Variants in FNIP2 observed in about 807,000 individuals in gnomAD.
FNIP2 encodes the protein folliculin-interacting protein 2.
A neutral mutation model predicts 108.7 loss-of-function variants in FNIP2; 32 were observed. The ratio of observed to expected loss-of-function variants is 0.29; its 90% CI spans 0.22 to 0.40. The LOEUF is 0.40. FNIP2 is among the 10% of genes least tolerant of loss of function. The probability of loss-of-function intolerance (pLI) is 1.00; values close to 1 mark genes in which losing one functional copy is unlikely to be tolerated. For missense variants in FNIP2, 1,202 were observed against 1,381.6 expected (o/e 0.87, Z 2.06); for synonymous variants, 480 against 496.7 (o/e 0.97, Z 0.45).
intron 1 of FNIP2, among the ~76,000 whole-genome samples, chr4:158,779,996 T>A (rs1402549546): frequency 6.6e-6 from 1 of 151,638 alleles, no homozygotes; most frequent in Non-Finnish European, 1.5e-5. Context: ...ATCTCTTGAG[T>A]CCAGGAGTTT....
In FNIP2 at chr4:158,903,745, T is replaced by TTTTAC. The variant is rs1356395656; in HGVS notation, c.3267-717_3267-713dup. ...GAGGTAATGCCAGATACTGTTTTAT[T>TTTTAC]TTTACTTTGAGGAATTCAAGGGTAA... On this transcript the variant is annotated intron_variant, in intron 16 of 16. Transcript: ENST00000264433. 5.3e-5 allele frequency among the ~76,000 whole-genome samples: 8 copies of TTTTAC among 152,304 alleles called. No homozygotes were observed. The East Asian group carries it at 1.5e-3, about 29-fold the overall frequency.
At chr4:158,776,276 T>G (rs944418902) in intron 1 of FNIP2, among the ~76,000 whole-genome samples, 22 of 152,196 alleles carry the variant, frequency 1.4e-4, no homozygotes, top group African/African-American at 4.1e-4. Flanking sequence ...TTGCATGTTG[T>G]CATAGCAACT....
intron 1 of FNIP2, among the ~76,000 whole-genome samples, chr4:158,823,683 T>C (rs1778008140): frequency 6.6e-6 from 1 of 152,254 alleles, no homozygotes; most frequent in Non-Finnish European, 1.5e-5. Context: ...TGCTCACCTC[T>C]ACTTTCCTCC....
intron 1 of FNIP2, chr4:158,806,481 A>G (rs1776965214): frequency 8.7e-7 from 1 of 1,153,010 alleles, no homozygotes. Flanking sequence ...TTTACTGTGT[A>G]GTAAGGAGAT....
intron 14 of FNIP2, among the ~76,000 whole-genome samples, chr4:158,883,892 GAA>G (rs1186969337): frequency 1.3e-5 from 2 of 151,864 alleles, no homozygotes; most frequent in Non-Finnish European, 2.9e-5. Context: ...CTAAAAGTCG[GAA>G]ACACTTGTGA....
At chr4:158,872,262 A>G (rs1281659539) in intron 14 of FNIP2, 1 of 985,452 alleles carries the variant, frequency 1.0e-6, no homozygotes, top group Non-Finnish European at 1.2e-6. Context: ...CTGTAAAACC[A>G]TTCATGAAAT....
At chr4:158,778,602 A>G (rs888169012) in intron 1 of FNIP2, among the ~76,000 whole-genome samples, 1 of 145,134 alleles carries the variant, frequency 6.9e-6, no homozygotes, top group African/African-American at 2.9e-5. Context: ...ATTATAGTAT[A>G]TTATAATTGT....
chr4:158,892,411 C>T (rs541631748), intron 15 of FNIP2, among the ~76,000 whole-genome samples: 9 of 152,044 alleles, frequency 5.9e-5, no homozygotes, highest in Non-Finnish European at 8.8e-5. Flanking sequence ...AAATCACTTT[C>T]GTAACAATAC....
At chr4:158,872,860 A>G in intron 14 of FNIP2, 1 of 693,004 alleles carries the variant, frequency 1.4e-6, no homozygotes, top group Non-Finnish European at 1.8e-6. Flanking sequence ...AAGCCTAGTG[A>G]ATATTTAAAT....
At chr4:158,902,730 G>A (rs755594364) in intron 16 of FNIP2, among the ~76,000 whole-genome samples, 43 of 152,252 alleles carry the variant, frequency 2.8e-4, no homozygotes, top group Non-Finnish European at 4.8e-4. Context: ...TGGCCTTGCT[G>A]AGAGCTGCAG....
rs542866342 is a variant in FNIP2 at position 158,832,471 on chromosome 4, T to G, written c.554+333T>G. ...TTCTGAAATATCTGAGAACTTAAACTCATTTTGGCATATTCATTCATGTAT... is the reference window on the plus strand; with the variant it reads ...TTCTGAAATATCTGAGAACTTAAACGCATTTTGGCATATTCATTCATGTAT... On this transcript the variant is annotated intron_variant, in intron 5 of 16. Transcript: ENST00000264433. 2.0e-5 allele frequency among the ~76,000 whole-genome samples: 3 copies of G among 152,354 alleles called. No individual in the cohort carries two copies. The East Asian group carries it at 5.8e-4, about 29-fold the overall frequency.
At chr4:158,806,141 C>T in intron 1 of FNIP2, 2 of 1,213,352 alleles carry the variant, frequency 1.6e-6, no homozygotes, top group South Asian at 2.9e-5. Flanking sequence ...TTTAGAACTG[C>T]TGGTCATTAC....
intron 1 of FNIP2, among the ~76,000 whole-genome samples, chr4:158,797,318 A>T (rs372273775): frequency 1.5e-3 from 221 of 152,318 alleles, no homozygotes; most frequent in Non-Finnish European, 2.5e-3. Flanking sequence ...TTATTCTGTT[A>T]TACACATTGA....
chr4:158,801,879 A>G (rs1776775348), intron 1 of FNIP2, among the ~76,000 whole-genome samples: 1 of 152,160 alleles, frequency 6.6e-6, no homozygotes, highest in Non-Finnish European at 1.5e-5. Context: ...GTTAGGAACT[A>G]TCCATGGTCA....
At chr4:158,898,561 G>T (rs1391584000) in intron 16 of FNIP2, among the ~76,000 whole-genome samples, 1 of 152,140 alleles carries the variant, frequency 6.6e-6, no homozygotes, top group Non-Finnish European at 1.5e-5. Context: ...CACATCTCTT[G>T]TAAGTTATAT....
rs189957457 is a variant in FNIP2, at chr4:158,784,352, T to C, written c.107+15033T>C. ...TGCCCCAAATGGGCATGCTGCTCCC[T>C]TTAAACCAGTGGTCCCCAACCTTTT... On this transcript the variant is annotated intron_variant, in intron 1 of 16. Transcript: ENST00000264433. Among the ~76,000 whole-genome samples the C allele has an allele frequency of 3.6e-3, 546 of 152,344 alleles. 1 individual carries two copies. The highest frequency in any genetic ancestry group is 0.012 in the African/African-American group (498 of 41,568).
intron 1 of FNIP2, among the ~76,000 whole-genome samples, chr4:158,784,835 G>A (rs1269908099): frequency 1.3e-5 from 2 of 152,106 alleles, no homozygotes; most frequent in African/African-American, 4.8e-5. Context: ...CAGGGGTTGG[G>A]GATCCCTGCT....
At chr4:158,788,127 G>A (rs1309180290) in intron 1 of FNIP2, among the ~76,000 whole-genome samples, 1 of 152,190 alleles carries the variant, frequency 6.6e-6, no homozygotes, top group Non-Finnish European at 1.5e-5. Flanking sequence ...GGTATGTTGG[G>A]AATAATAGTA....
chr4:158,819,209 A>AGTAT (rs1777743223), intron 1 of FNIP2, among the ~76,000 whole-genome samples: 1 of 152,228 alleles, frequency 6.6e-6, no homozygotes, highest in Non-Finnish European at 1.5e-5. Flanking sequence ...TGAACTCAGA[A>AGTAT]GTATGGTTCC....
Sources: gnomAD v4.1 joint callset for allele counts (sites outside exome capture counted in the v4.1 genomes callset) on GRCh38, gnomAD v4.1.1 for gene constraint, MANE v1.5 for transcripts, NCBI Gene and HGNC (gene_info 2026-07-23, HGNC 2026-07-21) for gene names.